The following PAX5 variants were observed in gnomAD, a reference collection of about 807,000 sequenced individuals.
The protein encoded by PAX5 is paired box protein Pax-5.
A neutral mutation model predicts 43.7 loss-of-function variants in PAX5; 9 were observed. That is an observed-to-expected ratio of 0.21 (90% CI 0.12 to 0.36). The LOEUF (loss-of-function observed/expected upper bound fraction) is 0.36, where lower values mean the gene tolerates loss of function less well. Ranked by LOEUF, PAX5 falls within the 10% of genes least tolerant of loss-of-function variation. PAX5 has a pLI of 1.00. For synonymous variants in PAX5, 228 were observed against 214.3 expected, an observed-to-expected ratio of 1.06 and a Z score of -0.56; for missense variants, 383 against 532.7, an observed-to-expected ratio of 0.72 and a Z score of 2.77.
chr9:36,907,715 G>A (rs1016364630), intron 7 of PAX5, among the ~76,000 whole-genome samples: 21 of 152,148 alleles, frequency 1.4e-4, no homozygotes, highest in African/African-American at 5.1e-4. Context: ...CAACAATGCA[G>A]AGAGTTTGAA....
At chr9:37,023,621 C>T (rs887724532) in intron 1 of PAX5, among the ~76,000 whole-genome samples, 4 of 151,728 alleles carry the variant, frequency 2.6e-5, no homozygotes, top group African/African-American at 9.8e-5. Context: ...GGCTGGCCTC[C>T]ACAGATGCTC....
rs757618286 is a variant in PAX5, at chr9:36,837,467, C to G, written c.*3093G>C. On this transcript the variant is annotated 3_prime_UTR_variant, in exon 10 of 10. Coordinates refer to ENST00000358127, the MANE Select transcript of PAX5 (RefSeq NM_016734.3). Reference sequence around the variant, plus strand: ...CAGAGCTCGAACACAGGGAAGAAGGCCCATGGAGAAATGCCCCAGGCCTTC... The same window carrying G: ...CAGAGCTCGAACACAGGGAAGAAGGGCCATGGAGAAATGCCCCAGGCCTTC... 4.3e-6 allele frequency: 1 copy of G among 233,176 alleles called. No homozygotes were observed. The highest frequency in any genetic ancestry group is 2.2e-5 in the African/African-American group (1 of 45,356). The allele number at this position is 233,176 out of a possible 1,614,324, so 14.4% of individuals were successfully genotyped here. A position where few individuals can be genotyped will look rare whatever the true frequency, so the allele number is the denominator to read the frequency against.
chr9:36,983,293 G>A (rs561975004), intron 5 of PAX5, among the ~76,000 whole-genome samples: 8 of 152,128 alleles, frequency 5.3e-5, no homozygotes, highest in South Asian at 2.1e-4. Context: ...TGGCAACACC[G>A]CCAGAGATAT....
intron 5 of PAX5, among the ~76,000 whole-genome samples, chr9:36,972,599 T>C (rs1835011278): frequency 6.6e-6 from 1 of 152,170 alleles, no homozygotes; most frequent in Admixed American, 6.5e-5. Flanking sequence ...ACCAAGGGGA[T>C]CCCATCCTCT....
intron 7 of PAX5, among the ~76,000 whole-genome samples, chr9:36,917,162 G>A (rs1829791097): frequency 6.6e-6 from 1 of 152,094 alleles, no homozygotes; most frequent in African/African-American, 2.4e-5. Context: ...GTATAAACAG[G>A]TCTTTGGTCA....
chr9:36,864,744 G>A (rs556463386), intron 8 of PAX5, among the ~76,000 whole-genome samples: 16 of 152,346 alleles, frequency 1.1e-4, no homozygotes, highest in East Asian at 7.7e-4. Context: ...GGCTGATGGC[G>A]CTGACGGAGG....
intron 6 of PAX5, among the ~76,000 whole-genome samples, chr9:36,950,633 C>T (rs563232852): frequency 1.3e-5 from 2 of 152,282 alleles, no homozygotes; most frequent in East Asian, 3.9e-4. Context: ...CCACCTAAAT[C>T]CTGGGTCTGC....
At chr9:36,886,193 G>C (rs549848986) in intron 7 of PAX5, among the ~76,000 whole-genome samples, 1 of 152,324 alleles carries the variant, frequency 6.6e-6, no homozygotes, top group South Asian at 2.1e-4. Context: ...GCACTAGCAA[G>C]AATAAACGAT....
At chr9:36,921,671 C>T (rs1364613310) in intron 7 of PAX5, among the ~76,000 whole-genome samples, 1 of 152,184 alleles carries the variant, frequency 6.6e-6, no homozygotes, top group East Asian at 1.9e-4. Flanking sequence ...CAGTGAAGTG[C>T]CAGTTTCTAT....
Position 36,957,434 on chromosome 9 carries a change from A to G in PAX5, c.780+9115T>C, listed in dbSNP as rs1833586401. Among the ~76,000 whole-genome samples the G allele has an allele frequency of 2.0e-5, 3 of 152,192 alleles. No individual in the cohort carries two copies. The South Asian group carries it at 6.2e-4, about 32-fold the overall frequency. On this transcript the variant is annotated intron_variant, in intron 6 of 9. Transcript: ENST00000358127. ...GGAGTGAGTATTTGGGTACTTGTTC[A>G]GTACCCAAATCAATACCTTGTCCAT...
At chr9:36,984,198 T>G (rs886720497) in intron 5 of PAX5, among the ~76,000 whole-genome samples, 1 of 152,110 alleles carries the variant, frequency 6.6e-6, no homozygotes, top group Admixed American at 6.5e-5. Context: ...GAAAAATCAG[T>G]GCTCCTCCTG....
rs1821797321 is a variant in PAX5, at chr9:36,838,456, C to T, written c.*2104G>A. ...GCTTGAGGACTCCACCTTGCTGAGCCTTAGTTTTCTCTTCTGTTCCACCAC... is the reference window on the plus strand; with the variant it reads ...GCTTGAGGACTCCACCTTGCTGAGCTTTAGTTTTCTCTTCTGTTCCACCAC... On this transcript the variant is annotated 3_prime_UTR_variant, in exon 10 of 10. Transcript: ENST00000358127. 4.3e-6 allele frequency: 1 copy of T among 232,496 alleles called. No homozygotes were observed. The allele number at this position is 232,496 out of a possible 1,614,324, so 14.4% of individuals were successfully genotyped here. A position where few individuals can be genotyped will look rare whatever the true frequency, so the allele number is the denominator to read the frequency against.
intron 7 of PAX5, among the ~76,000 whole-genome samples, chr9:36,899,491 A>G (rs915252941): frequency 6.6e-6 from 1 of 152,104 alleles, no homozygotes; most frequent in Non-Finnish European, 1.5e-5. Context: ...CACTCCTCTG[A>G]GCCCAGCCTG....
At chr9:36,895,847 G>C (rs895225881) in intron 7 of PAX5, among the ~76,000 whole-genome samples, 1 of 152,178 alleles carries the variant, frequency 6.6e-6, no homozygotes, top group African/African-American at 2.4e-5. Context: ...TCTAAGATGT[G>C]TTTGCAATGA....
chr9:36,974,432 A>G (rs1835253036), intron 5 of PAX5, among the ~76,000 whole-genome samples: 1 of 152,202 alleles, frequency 6.6e-6, no homozygotes, highest in Admixed American at 6.5e-5. Flanking sequence ...TTTGACCTTC[A>G]GAACATCTCT....
intron 6 of PAX5, among the ~76,000 whole-genome samples, chr9:36,944,568 G>A (rs1048778956): frequency 7.2e-5 from 11 of 152,162 alleles, no homozygotes; most frequent in Admixed American, 5.2e-4. Context: ...GCTGGTTCAC[G>A]ACCTCACAGA....
intron 5 of PAX5, 96 bp downstream of exon 5, chr9:37,002,552 G>C: frequency 7.5e-7 from 1 of 1,326,028 alleles, no homozygotes; most frequent in Non-Finnish European, 1.0e-6. Context: ...AGGTAAGGGG[G>C]GTGTTCGCGG....
At chr9:37,016,094 T>A (rs184126002) in intron 2 of PAX5, among the ~76,000 whole-genome samples, 60 of 152,296 alleles carry the variant, frequency 3.9e-4, no homozygotes, top group African/African-American at 1.4e-3. Context: ...AAAGCAGAGA[T>A]TCATCAAGGT....
In PAX5 at chr9:37,007,555, C is replaced by T. The variant is rs1838536312; in HGVS notation, c.411-1018G>A. The T allele has an allele frequency of 4.6e-5, 7 of 152,324 alleles. No homozygotes were observed. The South Asian group carries it at 1.4e-3, about 32-fold the overall frequency. The allele number at this position is 152,324 out of a possible 1,614,324, so 9.4% of individuals were successfully genotyped here. On this transcript the variant is annotated intron_variant, in intron 3 of 9. Coordinates refer to ENST00000358127, the MANE Select transcript of PAX5 (RefSeq NM_016734.3). ...CAGCAGAACAGGGCCACGCGAAAAGCTCCTTCGGATCTACCAGAAAGCTCC... is the reference window on the plus strand; with the variant it reads ...CAGCAGAACAGGGCCACGCGAAAAGTTCCTTCGGATCTACCAGAAAGCTCC...
Sources: allele counts gnomAD v4.1 joint callset (sites outside exome capture counted in the v4.1 genomes callset), GRCh38; gene constraint gnomAD v4.1.1; transcripts MANE v1.5; gene names NCBI Gene and HGNC (gene_info 2026-07-23, HGNC 2026-07-21).